SMAD3: variants seen among roughly 807,000 people sequenced by gnomAD.
The protein encoded by SMAD3 is SMAD family member 3.
Under a neutral mutation model 51.8 loss-of-function variants are expected in SMAD3, and 12 were observed. The observed-to-expected ratio is 0.23, with a 90% CI of 0.15 to 0.38. The LOEUF is 0.38. Among genes scored for constraint, SMAD3 ranks in the 10% least tolerant of loss-of-function variants. The probability of loss-of-function intolerance (pLI) is 1.00; values close to 1 mark genes in which losing one functional copy is unlikely to be tolerated. For synonymous variants in SMAD3, 238 were observed against 227.7 expected (o/e 1.05, Z -0.41); for missense variants, 294 against 565.6 (o/e 0.52, Z 4.87).
chr15:67,094,104 G>A (rs1356156025), intron 1 of SMAD3, among the ~76,000 whole-genome samples: 1 of 152,230 alleles, frequency 6.6e-6, no homozygotes, highest in Non-Finnish European at 1.5e-5. Context: ...CTGTGGAGGG[G>A]TCCTCAGGGC....
intron 1 of SMAD3, among the ~76,000 whole-genome samples, chr15:67,153,519 C>T (rs1247213089): frequency 2.0e-5 from 3 of 152,182 alleles, no homozygotes; most frequent in Non-Finnish European, 4.4e-5. Flanking sequence ...TCTGTTTTCC[C>T]GCATCTTGCT....
intron 1 of SMAD3, among the ~76,000 whole-genome samples, chr15:67,144,792 T>C (rs1194904117): frequency 1.3e-5 from 2 of 152,210 alleles, no homozygotes; most frequent in Non-Finnish European, 2.9e-5. Context: ...GTTTCCAGTT[T>C]TGCACAATGT....
At chr15:67,161,556 C>T (rs776024076) in intron 1 of SMAD3, among the ~76,000 whole-genome samples, 4 of 152,112 alleles carry the variant, frequency 2.6e-5, no homozygotes, top group East Asian at 3.8e-4. Context: ...AGAGCAAATA[C>T]GGCCACTTCC....
chr15:67,142,933 C>T, intron 1 of SMAD3: 1 of 404,614 alleles, frequency 2.5e-6, no homozygotes, highest in Non-Finnish European at 5.1e-6. Context: ...TGGGTTGGAA[C>T]ATCCTCCTCA....
intron 5 of SMAD3, among the ~76,000 whole-genome samples, chr15:67,179,240 T>C (rs1384110950): frequency 1.3e-5 from 2 of 152,194 alleles, no homozygotes; most frequent in African/African-American, 4.8e-5. Context: ...CAGTTAAATA[T>C]CTAGGGCAAT....
intron 1 of SMAD3, among the ~76,000 whole-genome samples, chr15:67,148,964 C>A (rs1962052704): frequency 6.6e-6 from 1 of 152,196 alleles, no homozygotes; most frequent in African/African-American, 2.4e-5. Flanking sequence ...GAAGGGAAGT[C>A]AGAAACACAC....
intron 1 of SMAD3, among the ~76,000 whole-genome samples, chr15:67,162,917 A>C: frequency 6.6e-6 from 1 of 151,458 alleles, no homozygotes; most frequent in Admixed American, 6.6e-5. Context: ...CGTTCAGGAC[A>C]CTTTCATTGT....
chr15:67,111,628 G>T (rs1961016013), intron 1 of SMAD3, among the ~76,000 whole-genome samples: 1 of 152,098 alleles, frequency 6.6e-6, no homozygotes, highest in Non-Finnish European at 1.5e-5. Context: ...AATGTATGAG[G>T]GTTCCAGTTC....
intron 8 of SMAD3, among the ~76,000 whole-genome samples, chr15:67,188,445 C>T (rs1963280013): frequency 6.6e-6 from 1 of 152,100 alleles, no homozygotes; most frequent in South Asian, 2.1e-4. Context: ...GCCCTAGATA[C>T]TGGTTTAAAC....
At chr15:67,155,319 G>A (rs1001958878) in intron 1 of SMAD3, among the ~76,000 whole-genome samples, 19 of 152,226 alleles carry the variant, frequency 1.2e-4, no homozygotes, top group African/African-American at 4.3e-4. Flanking sequence ...ATTTGACTGT[G>A]TGTACCAAAG....
chr15:67,143,206 A>G (rs1595925622), intron 1 of SMAD3: 1 of 176,346 alleles, frequency 5.7e-6, no homozygotes, highest in East Asian at 1.7e-4. Context: ...TAAATAGCTA[A>G]GATACTATTG....
intron 1 of SMAD3, among the ~76,000 whole-genome samples, chr15:67,109,251 G>A (rs1000279746): frequency 1.3e-5 from 2 of 152,158 alleles, no homozygotes; most frequent in African/African-American, 4.8e-5. Flanking sequence ...TGCTTTTTGT[G>A]TGGAATGCTT....
chr15:67,096,241 G>A (rs902243155), intron 1 of SMAD3, among the ~76,000 whole-genome samples: 4 of 152,192 alleles, frequency 2.6e-5, no homozygotes, highest in African/African-American at 7.2e-5. Context: ...CACCCATATT[G>A]CCTTTTCCTT....
chr15:67,137,039 C>A (rs1961683307), intron 1 of SMAD3, among the ~76,000 whole-genome samples: 1 of 152,220 alleles, frequency 6.6e-6, no homozygotes, highest in African/African-American at 2.4e-5. Context: ...TGACCTCTTT[C>A]TGGTGTCTGG....
At chr15:67,176,994 C>G (rs1236053962) in intron 5 of SMAD3, among the ~76,000 whole-genome samples, 1 of 152,196 alleles carries the variant, frequency 6.6e-6, no homozygotes, top group East Asian at 1.9e-4. Flanking sequence ...TGTCACCTTA[C>G]CCCCCGTAGT....
chr15:67,148,768 T>G (rs983922812), intron 1 of SMAD3, among the ~76,000 whole-genome samples: 1 of 152,228 alleles, frequency 6.6e-6, no homozygotes, highest in Non-Finnish European at 1.5e-5. Flanking sequence ...GATCTTTGCT[T>G]ATTTCCTACG....
chr15:67,171,157 C>T (rs1002037770), intron 5 of SMAD3, among the ~76,000 whole-genome samples: 6 of 152,172 alleles, frequency 3.9e-5, no homozygotes, highest in Non-Finnish European at 7.3e-5. Flanking sequence ...GCATATATAT[C>T]TCTGTGCCTT....
intron 1 of SMAD3, among the ~76,000 whole-genome samples, chr15:67,164,596 G>A (rs1023003336): frequency 1.3e-5 from 2 of 152,174 alleles, no homozygotes; most frequent in African/African-American, 4.8e-5. Context: ...ACTGAAGTGC[G>A]GGCCCTTCCC....
chr15:67,160,770 C>CAAAAAAAAAAAAAAA (rs547354315), intron 1 of SMAD3, among the ~76,000 whole-genome samples: 6 of 61,038 alleles, frequency 9.8e-5, no homozygotes, highest in African/African-American at 2.9e-4. Flanking sequence ...GACTCCATCT[C>CAAAAAAAAAAAAAAA]AAAAAAAAAA....
Sources: allele counts gnomAD v4.1 joint callset (sites outside exome capture counted in the v4.1 genomes callset), GRCh38; gene constraint gnomAD v4.1.1; transcripts MANE v1.5; gene names NCBI Gene and HGNC (gene_info 2026-07-23, HGNC 2026-07-21).